The following DCAF5 variants were observed in gnomAD, a reference collection of about 807,000 sequenced individuals.
The protein encoded by DCAF5 is DDB1 and CUL4 associated factor 5.
Under a neutral mutation model 80.7 loss-of-function variants are expected in DCAF5, and 9 were observed. The observed-to-expected ratio is 0.11, with a 90% confidence interval of 0.07 to 0.19. DCAF5 has a LOEUF of 0.19. DCAF5 is among the 10% of genes least tolerant of loss of function. The pLI, the probability that DCAF5 is intolerant of heterozygous loss-of-function variation, is 1.00. For missense variants in DCAF5, 842 were observed against 1,205.7 expected, an observed-to-expected ratio of 0.70 and a Z score of 4.47; for synonymous variants, 433 against 461.9, an observed-to-expected ratio of 0.94 and a Z score of 0.80.
chr14:69,072,759 A>C (rs2038748536), intron 7 of DCAF5, among the ~76,000 whole-genome samples: 1 of 152,236 alleles, frequency 6.6e-6, no homozygotes, highest in Non-Finnish European at 1.5e-5. Flanking sequence ...CTTTAGTTAC[A>C]TACAGAGCAA....
At chr14:69,091,083 G>T in intron 6 of DCAF5, 1 of 755,868 alleles carries the variant, frequency 1.3e-6, no homozygotes, top group Non-Finnish European at 2.4e-6. Flanking sequence ...GTCAACATCA[G>T]CATCTCCATT....
intron 6 of DCAF5, among the ~76,000 whole-genome samples, chr14:69,081,099 T>C (rs1338967101): frequency 1.3e-5 from 2 of 151,614 alleles, no homozygotes; most frequent in African/African-American, 4.9e-5. Flanking sequence ...ACAAAAAAAA[T>C]GAAACTCACT....
chr14:69,101,488 G>A (rs1424605518), intron 5 of DCAF5, among the ~76,000 whole-genome samples: 1 of 152,220 alleles, frequency 6.6e-6, no homozygotes, highest in African/African-American at 2.4e-5. Flanking sequence ...TGGGGAGACA[G>A]GAGTGGGAGT....
intron 1 of DCAF5, among the ~76,000 whole-genome samples, chr14:69,142,927 A>AC (rs2041419450): frequency 6.6e-6 from 1 of 152,206 alleles, no homozygotes; most frequent in African/African-American, 2.4e-5. Context: ...ACTAGAGTAT[A>AC]CCTACTCCTA....
At chr14:69,084,904 A>G (rs2039258871) in intron 6 of DCAF5, 1 of 1,389,130 alleles carries the variant, frequency 7.2e-7, no homozygotes, top group African/African-American at 1.4e-5. Flanking sequence ...CTAAGGAATA[A>G]TATTCATCGT....
chr14:69,148,198 G>A (rs913546140), intron 1 of DCAF5, among the ~76,000 whole-genome samples: 4 of 151,262 alleles, frequency 2.6e-5, no homozygotes, highest in Non-Finnish European at 4.4e-5. Flanking sequence ...GCAATTTAGA[G>A]TACTAGATGC....
At chr14:69,119,957 A>T (rs1021831852) in intron 2 of DCAF5, among the ~76,000 whole-genome samples, 2 of 152,216 alleles carry the variant, frequency 1.3e-5, no homozygotes, top group African/African-American at 4.8e-5. Flanking sequence ...AAGCATTCAG[A>T]ATAGGGCTGA....
At chr14:69,124,554 T>C (rs550843402) in intron 1 of DCAF5, among the ~76,000 whole-genome samples, 1 of 152,312 alleles carries the variant, frequency 6.6e-6, no homozygotes, top group South Asian at 2.1e-4. Flanking sequence ...CAAACTGATG[T>C]CTTAAGTGTG....
intron 8 of DCAF5, among the ~76,000 whole-genome samples, chr14:69,060,476 A>G (rs1457905413): frequency 6.6e-6 from 1 of 152,226 alleles, no homozygotes; most frequent in Non-Finnish European, 1.5e-5. Flanking sequence ...GCAAAGCCTA[A>G]ATCAAGGAAG....
At chr14:69,127,313 A>C (rs2040907519) in intron 1 of DCAF5, among the ~76,000 whole-genome samples, 1 of 152,240 alleles carries the variant, frequency 6.6e-6, no homozygotes, top group Non-Finnish European at 1.5e-5. Context: ...AGTGATAAAA[A>C]GAAACGAAAT....
chr14:69,102,920 A>G (rs2040014378), intron 5 of DCAF5, among the ~76,000 whole-genome samples: 1 of 152,192 alleles, frequency 6.6e-6, no homozygotes, highest in Non-Finnish European at 1.5e-5. Context: ...CTTATGTACT[A>G]CACTTTTATA....
rs1566770813 is a variant in DCAF5 at position 69,118,270 on chromosome 14, G to A, written c.404C>T (p.Thr135Ile). The A allele has an allele frequency of 3.1e-6, 5 of 1,613,584 alleles. No individual in the cohort carries two copies. The highest frequency in any genetic ancestry group is 1.6e-4 in the Middle Eastern group (1 of 6,080). The change falls in exon 4 of 9, where the codon ACA (threonine) becomes ATA (isoleucine). Residue 135 changes from threonine (T) to isoleucine (I), a missense_variant. Around this residue, in one of 5 missense-constraint regions of DCAF5, gnomAD observed 142 missense variants for 311.9 expected, o/e 0.46. Transcript: ENST00000341516. This position sits in a 1 kb window ranked among gnomAD's most constrained non-coding sequence, Gnocchi z 4.0. ...ATCTTCATGAGCAAACACGTCCAAT[G>A]TCTCACTGCTGGGAGATAAGAGAGC... ...VILHDVESSE[T>I]LDVFAHEDAV...
At chr14:69,133,151 G>A (rs538088600) in intron 1 of DCAF5, among the ~76,000 whole-genome samples, 119 of 152,228 alleles carry the variant, frequency 7.8e-4, no homozygotes, top group African/African-American at 2.8e-3. Context: ...ACAACCCCAC[G>A]AAGTAGGAAT....
At chr14:69,088,995 T>TA (rs1418152688) in intron 6 of DCAF5, among the ~76,000 whole-genome samples, 5 of 151,986 alleles carry the variant, frequency 3.3e-5, no homozygotes, top group Non-Finnish European at 7.4e-5. Flanking sequence ...TGTGCACACT[T>TA]AAAAAAAACT....
At chr14:69,063,817 T>C (rs1283764754) in intron 7 of DCAF5, among the ~76,000 whole-genome samples, 1 of 152,198 alleles carries the variant, frequency 6.6e-6, no homozygotes, top group Non-Finnish European at 1.5e-5. Flanking sequence ...AGCAAAAGGT[T>C]CCAGACTGCA....
At position 69,053,596 on chromosome 14, in the gene DCAF5, C is replaced by T; in HGVS notation, c.*261G>A. 2 of 445,476 alleles carry T rather than the reference C, an allele frequency of 4.5e-6. No individual in the cohort carries two copies. Among genetic ancestry groups the T allele is most frequent in the Non-Finnish European group, 7.9e-6 (2 of 251,646 alleles). The allele number at this position is 445,476 out of a possible 1,614,324, so 27.6% of individuals were successfully genotyped here. On this transcript the variant is annotated 3_prime_UTR_variant, in exon 9 of 9. Coordinates refer to ENST00000341516, the MANE Select transcript of DCAF5 (RefSeq NM_003861.3). ...CTTCCACAGAGCCTTGCGCGGCACA[C>T]TACGCTCACGTCTCACTAGAAAGGA...
rs1418294171 is a variant in DCAF5, at chr14:69,051,840, C to T, written c.*2017G>A. The stretch of plus-strand genomic sequence containing the variant: ...CTGACTAAGAAGGGGAAGAGAAACA[C>T]ACACTGAGTGATCGTATTTTTTTTG... On this transcript the variant is annotated 3_prime_UTR_variant, in exon 9 of 9. Transcript: ENST00000341516. The T allele has an allele frequency of 6.6e-6, 1 of 152,592 alleles. No homozygotes were observed. The highest frequency in any genetic ancestry group is 2.4e-5 in the African/African-American group (1 of 41,424). The allele number at this position is 152,592 out of a possible 1,614,324, so 9.5% of individuals were successfully genotyped here. A position where few individuals can be genotyped will look rare whatever the true frequency, so the allele number is the denominator to read the frequency against.
rs766931980 is a variant in DCAF5, at chr14:69,152,861, C to T, written c.118G>A (p.Gly40Ser). The T allele has an allele frequency of 5.6e-6, 9 of 1,614,010 alleles. No homozygotes were observed. The East Asian group carries it at 1.6e-4, about 28-fold the overall frequency. Residue 40 changes from glycine (G) to serine (S), a missense_variant, in exon 1 of 9, where the codon GGC becomes AGC. By Grantham distance (56) the Gly-to-Ser change is moderately conservative. This residue lies in a region of DCAF5 where 142 missense variants were observed against 311.9 expected (regional missense o/e 0.46). Coordinates refer to ENST00000341516, the MANE Select transcript of DCAF5 (RefSeq NM_003861.3). The surrounding 1 kb of genome is among the most constrained non-coding windows in gnomAD (Gnocchi z 4.1). ...TQDFQRRRLR[G>S]CRNLYKKDLL... Reference sequence around the variant, plus strand: ...TCCTTCTTGTAGAGGTTTCTGCAGCCCCGCAGGCGTCTCCTCTGAAAGTCC... The same window carrying T: ...TCCTTCTTGTAGAGGTTTCTGCAGCTCCGCAGGCGTCTCCTCTGAAAGTCC...
chr14:69,105,929 A>ATATATATATATATATATATATATATATC (rs1457390784), intron 5 of DCAF5, among the ~76,000 whole-genome samples: 1 of 83,016 alleles, frequency 1.2e-5, no homozygotes, highest in Non-Finnish European at 2.5e-5. Flanking sequence ...ATATATATAT[A>ATATATATATATATATATATATATATATC]TATATATATA....
Sources: allele counts gnomAD v4.1 joint callset (sites outside exome capture counted in the v4.1 genomes callset), GRCh38; gene constraint gnomAD v4.1.1; regional missense constraint gnomAD v4.1.1; non-coding constraint Gnocchi (gnomAD v3.1); transcripts MANE v1.5; gene names NCBI Gene and HGNC (gene_info 2026-07-23, HGNC 2026-07-21).